Variants in C2CD2 observed in about 807,000 individuals in gnomAD.
C2CD2 encodes the protein C2 calcium dependent domain containing 2.
Under a neutral mutation model 74.3 loss-of-function variants are expected in C2CD2, and 43 were observed. The ratio of observed to expected loss-of-function variants is 0.58; its 90% CI spans 0.45 to 0.75. C2CD2 has a LOEUF of 0.75. Among genes scored for constraint, C2CD2 ranks in the 30% least tolerant of loss-of-function variants. C2CD2 has a pLI of 0.00. For missense variants in C2CD2, 801 were observed against 916.3 expected (o/e 0.87, Z 1.63); for synonymous variants, 422 against 390.7 (o/e 1.08, Z -0.94).
intron 2 of C2CD2, among the ~76,000 whole-genome samples, chr21:41,937,619 T>G (rs1212883912): frequency 6.6e-6 from 1 of 152,054 alleles, no homozygotes; most frequent in Non-Finnish European, 1.5e-5. Flanking sequence ...TGTTCAAGGG[T>G]CCATTATAGA....
Position 41,953,700 on chromosome 21 carries a change from A to G in C2CD2, c.-52T>C. On this transcript the variant is annotated 5_prime_UTR_variant, in exon 1 of 14. Transcript: ENST00000380486. ...AACTTCCCCGGCAGCCCCGGGCCGG[A>G]ACGGCGGACTCAGGACACGCGCTGG... is the stretch of plus-strand genomic sequence containing the variant. 3 of 1,332,286 alleles carry G rather than the reference A, an allele frequency of 2.3e-6. No individual in the cohort carries two copies. Among genetic ancestry groups the G allele is most frequent in the Non-Finnish European group, 2.9e-6 (3 of 1,044,812 alleles). The allele number at this position is 1,332,286 out of a possible 1,614,324, so 82.5% of individuals were successfully genotyped here.
intron 11 of C2CD2, among the ~76,000 whole-genome samples, chr21:41,904,987 G>A (rs537030991): frequency 2.6e-5 from 4 of 152,260 alleles, no homozygotes; most frequent in South Asian, 2.1e-4. Context: ...TTTCCTATTC[G>A]TAGTGACCAT....
rs2065214964 is a variant in C2CD2 at position 41,926,509 on chromosome 21, C to T, written c.379-4424G>A. 6.1e-6 allele frequency: 4 copies of T among 658,710 alleles called. No homozygotes were observed. The highest frequency in any genetic ancestry group is 6.7e-5 in the South Asian group (1 of 14,874). The allele number at this position is 658,710 out of a possible 1,614,324, so 40.8% of individuals were successfully genotyped here. ...CTGAAGAGCAGGCTGAGCGGGGAGG[C>T]CTTCATTCACCTTCTCGGTGCTCTC... is the stretch of plus-strand genomic sequence containing the variant. On this transcript the variant is annotated intron_variant, in intron 2 of 13. Coordinates refer to ENST00000380486, the MANE Select transcript of C2CD2 (RefSeq NM_015500.2). This position sits in a 1 kb window ranked among gnomAD's most constrained non-coding sequence, Gnocchi z 8.0.
rs747745857 is a variant in C2CD2, at chr21:41,899,400, G to C, written c.1561-38C>G. The C allele has an allele frequency of 3.8e-6, 6 of 1,565,720 alleles. No homozygotes were observed. The highest frequency in any genetic ancestry group is 4.3e-6 in the Non-Finnish European group (5 of 1,152,594). ...GTGGGGAAGATGACAAGGGATACAT[G>C]AAAGGAAGGGAGGGTTTGAAAAGAA... On this transcript the variant is annotated intron_variant, in intron 12 of 13. Transcript: ENST00000380486. The surrounding 1 kb of genome is among the most constrained non-coding windows in gnomAD (Gnocchi z 4.4).
intron 5 of C2CD2, among the ~76,000 whole-genome samples, chr21:41,916,698 CA>C (rs1376682010): frequency 2.0e-5 from 3 of 151,326 alleles, no homozygotes; most frequent in Admixed American, 6.6e-5. Context: ...CACACACACA[CA>C]CACACACTCC....
intron 13 of C2CD2, chr21:41,894,804 C>A (rs2064802461): frequency 2.2e-6 from 1 of 456,622 alleles, no homozygotes; most frequent in African/African-American, 2.0e-5. Flanking sequence ...GTAAACGATG[C>A]AGGGAGAACA....
intron 2 of C2CD2, among the ~76,000 whole-genome samples, chr21:41,936,003 A>T (rs2065304313): frequency 6.6e-6 from 1 of 152,138 alleles, no homozygotes. Context: ...ACTAGAAAAA[A>T]AAACATAGAA....
In C2CD2 at chr21:41,885,903, C is replaced by CA. The variant is rs1320514730; in HGVS notation, c.*3220dup. 6.6e-6 allele frequency: 1 copy of CA among 152,464 alleles called. No individual in the cohort carries two copies. Among genetic ancestry groups the CA allele is most frequent in the Admixed American group, 6.5e-5 (1 of 15,274 alleles). The allele number at this position is 152,464 out of a possible 1,614,324, so 9.4% of individuals were successfully genotyped here. ...AAGGGATCAGGGCTGGTTTTGAACT[C>CA]AGACTTGAAACTTGACGAAAATAAA... On this transcript the variant is annotated 3_prime_UTR_variant, in exon 14 of 14. Transcript: ENST00000380486.
chr21:41,914,562 G>A (rs1217522180), intron 6 of C2CD2, 36 bp downstream of exon 6: 2 of 1,603,998 alleles, frequency 1.2e-6, no homozygotes, highest in Non-Finnish European at 1.7e-6. Context: ...GGCTGGAAGA[G>A]CCCCTCCAGG....
intron 5 of C2CD2, among the ~76,000 whole-genome samples, chr21:41,916,154 G>C (rs752660258): frequency 1.3e-5 from 2 of 152,174 alleles, no homozygotes; most frequent in African/African-American, 4.8e-5. Flanking sequence ...ATGAGCACTG[G>C]GGACAGAGCA....
At chr21:41,907,585 C>A in intron 9 of C2CD2, 75 bp downstream of exon 9, 1 of 1,506,848 alleles carries the variant, frequency 6.6e-7, no homozygotes, top group Non-Finnish European at 9.0e-7. Context: ...TGAGACTCTG[C>A]AGACATAAGT....
In C2CD2 at chr21:41,888,876, C is replaced by T; in HGVS notation, c.*248G>A. 1.7e-6 allele frequency: 1 copy of T among 573,268 alleles called. No individual in the cohort carries two copies. The highest frequency in any genetic ancestry group is 2.1e-5 in the South Asian group (1 of 48,290). The allele number at this position is 573,268 out of a possible 1,614,324, so 35.5% of individuals were successfully genotyped here. A position where few individuals can be genotyped will look rare whatever the true frequency, so the allele number is the denominator to read the frequency against. On this transcript the variant is annotated 3_prime_UTR_variant, in exon 14 of 14. Transcript: ENST00000380486. ...CCCTAACCCTTAGCTATGAGCACAG[C>T]CCAAGCTCTGCAGCTGTCAAGTCTC...
chr21:41,910,354 C>G (rs757602369), intron 7 of C2CD2, among the ~76,000 whole-genome samples: 1 of 152,124 alleles, frequency 6.6e-6, no homozygotes, highest in East Asian at 1.9e-4. Context: ...TATCTTTGCA[C>G]GCCGTGTGAT....
chr21:41,942,051 AG>A, intron 2 of C2CD2, 95 bp downstream of exon 2: 1 of 1,464,140 alleles, frequency 6.8e-7, no homozygotes, highest in East Asian at 2.5e-5. Flanking sequence ...TCCTAGTGTA[AG>A]GGTTCCGCAT....
chr21:41,924,382 T>A lies in C2CD2; in HGVS notation c.379-2297A>T, dbSNP rs910445418. 6.6e-6 allele frequency among the ~76,000 whole-genome samples: 1 copy of A among 152,048 alleles called. No individual in the cohort carries two copies. The highest frequency in any genetic ancestry group is 1.5e-5 in the Non-Finnish European group (1 of 68,008). On this transcript the variant is annotated intron_variant, in intron 2 of 13. Coordinates refer to ENST00000380486, the MANE Select transcript of C2CD2 (RefSeq NM_015500.2). The surrounding 1 kb of genome is among the most constrained non-coding windows in gnomAD (Gnocchi z 4.4). Reference sequence around the variant, plus strand: ...ATGCCACAGAGCTAGAAAAAGAAAATCCTGCCTTCTCTCAATATTGGCAGA... The same window carrying A: ...ATGCCACAGAGCTAGAAAAAGAAAAACCTGCCTTCTCTCAATATTGGCAGA...
At chr21:41,901,845 T>C (rs951159624) in intron 11 of C2CD2, 96 bp from the exon 12 acceptor site, 1 of 1,130,460 alleles carries the variant, frequency 8.8e-7, no homozygotes, top group Admixed American at 1.9e-5. Flanking sequence ...AAGCAATGGT[T>C]AGCAGATATT....
intron 5 of C2CD2, among the ~76,000 whole-genome samples, chr21:41,916,339 A>T (rs2065090156): frequency 6.6e-6 from 1 of 152,168 alleles, no homozygotes; most frequent in East Asian, 1.9e-4. Flanking sequence ...GGCACACCCA[A>T]TGATGCAGAT....
intron 5 of C2CD2, among the ~76,000 whole-genome samples, chr21:41,915,483 C>G (rs903056527): frequency 4.6e-5 from 7 of 151,944 alleles, no homozygotes; most frequent in African/African-American, 1.7e-4. Flanking sequence ...GTTGTCCGGG[C>G]TAGAGTGCAG....
Position 41,942,229 on chromosome 21 carries a change from G to A in C2CD2, c.296C>T (p.Ser99Phe). The A allele has an allele frequency of 4.5e-6, 7 of 1,549,834 alleles. No individual in the cohort carries two copies. The highest frequency in any genetic ancestry group is 6.1e-6 in the Non-Finnish European group (7 of 1,146,810). Residue 99 changes from serine to phenylalanine, a missense_variant, in exon 2 of 14, where the codon TCC (serine) becomes TTC (phenylalanine). Ser to Phe is a radical substitution (Grantham distance 155). Coordinates refer to ENST00000380486, the MANE Select transcript of C2CD2 (RefSeq NM_015500.2). Reference sequence around the variant, plus strand: ...CTGCTGCCGCGGGTCCTCCTCAAAGGACAGGAAAGGTGGGCCCTGGAACAG... The same window carrying A: ...CTGCTGCCGCGGGTCCTCCTCAAAGAACAGGAAAGGTGGGCCCTGGAACAG... ...AERKGGPPFLSFEEDPRQQAL... is the reference protein window; with the variant it reads ...AERKGGPPFLFFEEDPRQQAL...
Sources: gnomAD v4.1 joint callset for allele counts (sites outside exome capture counted in the v4.1 genomes callset) on GRCh38, gnomAD v4.1.1 for gene constraint, Gnocchi (gnomAD v3.1) non-coding constraint, MANE v1.5 for transcripts, NCBI Gene and HGNC (gene_info 2026-07-23, HGNC 2026-07-21) for gene names.